The following NKAIN2 variants were observed in gnomAD, a reference collection of about 807,000 sequenced individuals.
NKAIN2 encodes sodium/potassium transporting ATPase interacting 2, also known as sodium/potassium-transporting ATPase subunit beta-1-interacting protein 2.
NKAIN2 carries 14 observed loss-of-function variants against 32.6 expected under a neutral mutation model. The observed-to-expected ratio is 0.43, with a 90% CI of 0.28 to 0.67. The LOEUF (loss-of-function observed/expected upper bound fraction) is 0.67. NKAIN2 is among the 30% of genes least tolerant of loss of function. NKAIN2 has a pLI of 0.17. For synonymous variants in NKAIN2, 80 were observed against 87.2 expected, an observed-to-expected ratio of 0.92 and a Z score of 0.46; for missense variants, 198 against 258.3, an observed-to-expected ratio of 0.77 and a Z score of 1.60.
At chr6:124,443,163 A>T (rs769316030) in intron 3 of NKAIN2, among the ~76,000 whole-genome samples, 1 of 152,052 alleles carries the variant, frequency 6.6e-6, no homozygotes, top group Non-Finnish European at 1.5e-5. Context: ...CGCTTCACTC[A>T]TGTGTGGGGC....
At chr6:124,581,439 C>A (rs1348829782) in intron 3 of NKAIN2, among the ~76,000 whole-genome samples, 18 of 120,208 alleles carry the variant, frequency 1.5e-4, no homozygotes, top group Middle Eastern at 3.8e-3. Flanking sequence ...GAGCGAGACT[C>A]CGTCTCAAAA....
chr6:124,336,670 T>G (rs376361732), intron 2 of NKAIN2, among the ~76,000 whole-genome samples: 38 of 146,828 alleles, frequency 2.6e-4, no homozygotes, highest in African/African-American at 9.0e-4. Context: ...AATAGTTTGT[T>G]TTTTTTTGTT....
intron 3 of NKAIN2, among the ~76,000 whole-genome samples, chr6:124,540,574 G>C (rs1212035858): frequency 6.6e-6 from 1 of 152,172 alleles, no homozygotes; most frequent in African/African-American, 2.4e-5. Context: ...GTACTACTAT[G>C]CAATAGCATG....
intron 1 of NKAIN2, among the ~76,000 whole-genome samples, chr6:123,996,026 C>G (rs931167603): frequency 7.9e-5 from 12 of 151,946 alleles, no homozygotes; most frequent in African/African-American, 2.9e-4. Context: ...TATTACAATC[C>G]TCATGAATCA....
chr6:124,495,345 A>T (rs754361566), intron 3 of NKAIN2, among the ~76,000 whole-genome samples: 1 of 152,060 alleles, frequency 6.6e-6, no homozygotes, highest in Admixed American at 6.6e-5. Context: ...GCTTTTTCTA[A>T]TCACAGTGAG....
At position 124,802,477 on chromosome 6, in the gene NKAIN2, ACAT is replaced by A. The variant is rs552731423; in HGVS notation, c.535+11079_535+11081del. The stretch of plus-strand genomic sequence containing the variant: ...GGCATGGCACAAAGTGAGCCCAGGC[ACAT>A]TTAAGATGAAGTTGGCTTAGTTATT... On this transcript the variant is annotated intron_variant, in intron 5 of 6. Transcript: ENST00000368417. Among the ~76,000 whole-genome samples, 3 of 152,372 alleles carry A rather than the reference ACAT, an allele frequency of 2.0e-5. No individual in the cohort carries two copies. The South Asian group carries it at 6.2e-4, about 32-fold the overall frequency.
At chr6:123,953,354 C>G (rs1313027624) in intron 1 of NKAIN2, among the ~76,000 whole-genome samples, 1 of 152,116 alleles carries the variant, frequency 6.6e-6, no homozygotes, top group Non-Finnish European at 1.5e-5. Flanking sequence ...GATTTTTGGG[C>G]CTCCAGGTGG....
chr6:124,263,931 G>A (rs1436166995), intron 1 of NKAIN2, among the ~76,000 whole-genome samples: 1 of 152,096 alleles, frequency 6.6e-6, no homozygotes, highest in Non-Finnish European at 1.5e-5. Context: ...ATGGAAAATG[G>A]CAATTTTGAA....
chr6:124,111,178 A>T (rs1365974959), intron 1 of NKAIN2, among the ~76,000 whole-genome samples: 1 of 152,080 alleles, frequency 6.6e-6, no homozygotes, highest in African/African-American at 2.4e-5. Context: ...AAGAGTGTGT[A>T]TTCTGCTCCT....
intron 3 of NKAIN2, among the ~76,000 whole-genome samples, chr6:124,538,806 C>T (rs900862092): frequency 5.9e-4 from 90 of 151,988 alleles, no homozygotes; most frequent in African/African-American, 2.1e-3. Flanking sequence ...CTCATTCGCT[C>T]GGTTTAACTA....
chr6:124,481,450 T>G (rs1777448038), intron 3 of NKAIN2, among the ~76,000 whole-genome samples: 1 of 152,044 alleles, frequency 6.6e-6, no homozygotes, highest in Non-Finnish European at 1.5e-5. Context: ...AGTCTAAGAG[T>G]AGTTAAATCA....
intron 3 of NKAIN2, among the ~76,000 whole-genome samples, chr6:124,412,228 T>A (rs1774226924): frequency 1.3e-5 from 2 of 152,206 alleles, no homozygotes; most frequent in East Asian, 3.8e-4. Context: ...TGAGGAGCTG[T>A]TCTTTTGGAG....
At chr6:124,558,200 T>C (rs1030190936) in intron 3 of NKAIN2, among the ~76,000 whole-genome samples, 1 of 152,226 alleles carries the variant, frequency 6.6e-6, no homozygotes, top group Non-Finnish European at 1.5e-5. Context: ...ATGCTTTTTT[T>C]CCTTGTATCA....
At chr6:123,901,356 G>T (rs1009003050) in intron 1 of NKAIN2, among the ~76,000 whole-genome samples, 1 of 152,016 alleles carries the variant, frequency 6.6e-6, no homozygotes, top group East Asian at 1.9e-4. Context: ...TATATTTGAG[G>T]TCTTAGAAAC....
chr6:123,825,610 C>T (rs1774114977), intron 1 of NKAIN2, among the ~76,000 whole-genome samples: 1 of 152,096 alleles, frequency 6.6e-6, no homozygotes. Flanking sequence ...TTCAGGATGG[C>T]TTGAAATGGG....
chr6:124,761,115 T>G (rs1778243985), intron 4 of NKAIN2, among the ~76,000 whole-genome samples: 1 of 152,234 alleles, frequency 6.6e-6, no homozygotes, highest in Admixed American at 6.5e-5. Flanking sequence ...TAGCCACTTA[T>G]AAATTTCCCT....
chr6:123,823,237 C>A (rs1456683225), intron 1 of NKAIN2: 1 of 152,172 alleles, frequency 6.6e-6, no homozygotes, highest in East Asian at 1.9e-4. Context: ...CTGGATACAA[C>A]AGTATCTCTA....
chr6:124,687,580 T>TCCATACA (rs1562324934), intron 4 of NKAIN2, among the ~76,000 whole-genome samples: 15 of 8,986 alleles, frequency 1.7e-3, no homozygotes, highest in Non-Finnish European at 2.6e-3. Context: ...TAATATATAT[T>TCCATACA]TATAATATAA....
In NKAIN2 at chr6:123,901,991, G is replaced by A. The variant is rs144149204; in HGVS notation, c.54+97737G>A. On this transcript the variant is annotated intron_variant, in intron 1 of 6. Transcript: ENST00000368417. Reference sequence around the variant, plus strand: ...GTAAAATAAAGTTTTGTTTTAATGGGTTGTTAGACAAATTTTAACGAAATA... The same window carrying A: ...GTAAAATAAAGTTTTGTTTTAATGGATTGTTAGACAAATTTTAACGAAATA... 9.0e-3 allele frequency among the ~76,000 whole-genome samples: 1,375 copies of A among 152,174 alleles called. 22 individuals carry two copies. Among genetic ancestry groups the A allele is most frequent in the African/African-American group, 0.032 (1,317 of 41,526 alleles).
Sources: gnomAD v4.1 joint callset for allele counts (sites outside exome capture counted in the v4.1 genomes callset) on GRCh38, gnomAD v4.1.1 for gene constraint, MANE v1.5 for transcripts, NCBI Gene and HGNC (gene_info 2026-07-23, HGNC 2026-07-21) for gene names.